Variants in RGS13 observed in about 807,000 individuals in gnomAD.
RGS13 encodes the protein regulator of G protein signaling 13, also known as regulator of G-protein signalling 13.
In RGS13, 14 loss-of-function variants were observed where a neutral mutation model predicts 19.9. The ratio of observed to expected loss-of-function variants is 0.70; its 90% CI spans 0.46 to 1.10. The LOEUF (loss-of-function observed/expected upper bound fraction) is 1.10. RGS13 is among the 50% of genes least tolerant of loss of function. RGS13 has a pLI of 0.00. For synonymous variants in RGS13, 60 were observed against 56.8 expected (o/e 1.06, Z -0.25); for missense variants, 205 against 187.1 (o/e 1.10, Z -0.56).
chr1:192,644,450 G>A (rs1388176967), intron 4 of RGS13, 51 bp downstream of exon 4: 1 of 1,308,382 alleles, frequency 7.6e-7, no homozygotes. Flanking sequence ...TTTATCAGAT[G>A]ATAAATAGGT....
intron 5 of RGS13, among the ~76,000 whole-genome samples, chr1:192,656,812 C>A (rs1460657051): frequency 2.6e-5 from 4 of 152,042 alleles, no homozygotes; most frequent in African/African-American, 7.2e-5. Flanking sequence ...TATTTGAGTT[C>A]TTTTGCTTGA....
rs1663039290 is a variant in RGS13 at position 192,637,671 on chromosome 1, C to T, written c.-45+11C>T. The T allele has an allele frequency of 1.3e-5, 2 of 151,966 alleles. No homozygotes were observed. The highest frequency in any genetic ancestry group is 2.1e-4 in the South Asian group (1 of 4,828). The allele number at this position is 151,966 out of a possible 1,614,324, so 9.4% of individuals were successfully genotyped here. On this transcript the variant is annotated intron_variant, in intron 2 of 6. Coordinates refer to ENST00000391995, the MANE Select transcript of RGS13 (RefSeq NM_002927.5). The stretch of plus-strand genomic sequence containing the variant: ...TTTATTTGAAGCTTGGTGAGTTTAT[C>T]CACAATTTAAATCAGTTCTACGTCA...
At chr1:192,648,909 C>A (rs1663267200) in intron 5 of RGS13, among the ~76,000 whole-genome samples, 1 of 152,084 alleles carries the variant, frequency 6.6e-6, no homozygotes, top group Non-Finnish European at 1.5e-5. Flanking sequence ...TCCTGAGGCA[C>A]TACCTGCTCT....
chr1:192,643,531 C>T (rs1663162467), intron 3 of RGS13, among the ~76,000 whole-genome samples: 1 of 151,660 alleles, frequency 6.6e-6, no homozygotes, highest in African/African-American at 2.4e-5. Flanking sequence ...GTAGATAAAA[C>T]CAGATAAGCA....
intron 5 of RGS13, 35 bp downstream of exon 5, chr1:192,648,022 A>G: frequency 6.9e-7 from 1 of 1,446,244 alleles, no homozygotes; most frequent in Non-Finnish European, 9.6e-7. Context: ...TTGAATAACT[A>G]GCGAGTTCCA....
chr1:192,658,651 G>A (rs933333355), intron 6 of RGS13: 2 of 287,888 alleles, frequency 6.9e-6, no homozygotes, highest in Non-Finnish European at 6.4e-6. Context: ...AACTTAAAAA[G>A]AAAAAAAGGA....
chr1:192,644,062 T>C (rs187176285), intron 3 of RGS13, among the ~76,000 whole-genome samples: 1 of 152,320 alleles, frequency 6.6e-6, no homozygotes, highest in African/African-American at 2.4e-5. Context: ...AGATTTGGTA[T>C]TTTTTGAACC....
chr1:192,644,230 T>G, intron 3 of RGS13, 101 bp from the exon 4 acceptor site: 1 of 823,442 alleles, frequency 1.2e-6, no homozygotes. Context: ...GCCCATCTTT[T>G]TTTTTATGAT....
Position 192,641,254 on chromosome 1 carries a change from AAAAGAAAGAAAGAAAG to A in RGS13, c.-4-3037_-4-3022del, listed in dbSNP as rs771323101. Reference sequence around the variant, plus strand: ...AAAGAAAGAAAGAAAGAAAAGAAAGAAAAGAAAGAAAGAAAGAAAGAAAGAAAGAAAGAAAGAAAGA... The same window carrying A: ...AAAGAAAGAAAGAAAGAAAAGAAAGAAAAGAAAGAAAGAAAGAAAGAAAGA... On this transcript the variant is annotated intron_variant, in intron 3 of 6. Transcript: ENST00000391995. 8.2e-4 allele frequency among the ~76,000 whole-genome samples: 55 copies of A among 67,466 alleles called. 1 individual carries two copies. Among genetic ancestry groups the A allele is most frequent in the South Asian group, 3.4e-3 (6 of 1,748 alleles). The allele number at this position is 67,466 out of a possible 152,430, so 44.3% of individuals were successfully genotyped here.
chr1:192,653,163 G>A (rs1039198569), intron 5 of RGS13, among the ~76,000 whole-genome samples: 1 of 151,884 alleles, frequency 6.6e-6, no homozygotes, highest in Non-Finnish European at 1.5e-5. Flanking sequence ...AGTATATAAA[G>A]AGATCTGAAA....
At chr1:192,641,290 GAA>G (rs1289240266) in intron 3 of RGS13, among the ~76,000 whole-genome samples, 4 of 110,444 alleles carry the variant, frequency 3.6e-5, no homozygotes, top group Non-Finnish European at 8.4e-5. Flanking sequence ...AAGAAAGAAA[GAA>G]AGAAAGAAAG....
Position 192,636,240 on chromosome 1 carries a change from T to C in RGS13, c.-193T>C, listed in dbSNP as rs1053876652. 2 of 152,078 alleles carry C rather than the reference T, an allele frequency of 1.3e-5. No individual in the cohort carries two copies. Among genetic ancestry groups the C allele is most frequent in the African/African-American group, 4.8e-5 (2 of 41,448 alleles). The allele number at this position is 152,078 out of a possible 1,614,324, so 9.4% of individuals were successfully genotyped here. The stretch of plus-strand genomic sequence containing the variant: ...AAAATGCTGGGTGTCTCACAAAATT[T>C]CAGAACCTGATTTCAAACGGATCAT... On this transcript the variant is annotated 5_prime_UTR_variant, in exon 1 of 7. Transcript: ENST00000391995.
rs1357403017 is a variant in RGS13, at chr1:192,659,363, A to G, written c.320A>G (p.Glu107Gly). ...REINIDSSTR[E>G]TIIRNIQEPT... The stretch of plus-strand genomic sequence containing the variant: ...ATTAACATTGACAGTTCGACAAGAG[A>G]GACTATCATCAGGAACATTCAGGAA... The change falls in exon 7 of 7, where the codon GAG becomes GGG. Residue 107 changes from glutamate (E) to glycine (G), a missense_variant. Glu to Gly is a moderately conservative substitution (Grantham distance 98, BLOSUM62 -2). Transcript: ENST00000391995. 6.2e-7 allele frequency: 1 copy of G among 1,612,414 alleles called. No individual in the cohort carries two copies. Among genetic ancestry groups the G allele is most frequent in the East Asian group, 2.2e-5 (1 of 44,710 alleles).
chr1:192,641,222 G>A (rs202164464), intron 3 of RGS13, among the ~76,000 whole-genome samples: 11,175 of 63,258 alleles, frequency 0.18, 1,069 homozygotes, highest in East Asian at 0.41. Context: ...GAAAGAAAGA[G>A]AGAAAGAAAG....
intron 3 of RGS13, among the ~76,000 whole-genome samples, chr1:192,641,307 AAAAG>A (rs1553257026): frequency 3.6e-5 from 2 of 55,446 alleles, no homozygotes; most frequent in African/African-American, 7.8e-5. Flanking sequence ...AGAAAGAAAG[AAAAG>A]AAAGAAAGGA....
chr1:192,641,251 A>G (rs1406513773), intron 3 of RGS13, among the ~76,000 whole-genome samples: 1 of 57,560 alleles, frequency 1.7e-5, no homozygotes, highest in Non-Finnish European at 4.2e-5. Context: ...AAAGAAAAGA[A>G]AGAAAAGAAA....
chr1:192,653,421 A>AT (rs1663379680), intron 5 of RGS13, among the ~76,000 whole-genome samples: 1 of 152,126 alleles, frequency 6.6e-6, no homozygotes, highest in African/African-American at 2.4e-5. Context: ...TACAATATGT[A>AT]TCAAGAGTCT....
chr1:192,641,254 A>AAAGAAAGAAAGAAAG (rs1553257010), intron 3 of RGS13, among the ~76,000 whole-genome samples: 61 of 67,462 alleles, frequency 9.0e-4, no homozygotes, highest in Admixed American at 8.8e-4. Flanking sequence ...GAAAAGAAAG[A>AAAGAAAGAAAGAAAG]AAAGAAAGAA....
At chr1:192,638,652 C>T (rs1480512284) in intron 3 of RGS13, among the ~76,000 whole-genome samples, 6 of 152,064 alleles carry the variant, frequency 3.9e-5, no homozygotes, top group South Asian at 4.1e-4. Context: ...ACTGGAACAG[C>T]GTCCAGTCTC....
Sources: gnomAD v4.1 joint callset for allele counts (sites outside exome capture counted in the v4.1 genomes callset) on GRCh38, gnomAD v4.1.1 for gene constraint, MANE v1.5 for transcripts, NCBI Gene and HGNC (gene_info 2026-07-23, HGNC 2026-07-21) for gene names.